SLC6A13: variants seen among roughly 807,000 people sequenced by gnomAD.
SLC6A13 encodes solute carrier family 6 member 13.
In SLC6A13, 69 loss-of-function variants were observed where a neutral mutation model predicts 72.9. That is an observed-to-expected ratio of 0.95 (90% CI 0.78 to 1.16). The LOEUF is 1.16. Among genes scored for constraint, SLC6A13 ranks in the 50% most tolerant of loss-of-function variants. The pLI is 0.00. For synonymous variants in SLC6A13, 303 were observed against 303.0 expected, an observed-to-expected ratio of 1.00 and a Z score of 0.00; for missense variants, 735 against 760.5, an observed-to-expected ratio of 0.97 and a Z score of 0.39.
rs759618411 is a variant in SLC6A13, at chr12:223,192, T to G, written c.1354A>C (p.Ser452Arg). The change falls in exon 12 of 15, where the codon AGT (serine) becomes CGT (arginine). Residue 452 changes from serine to arginine, a missense_variant. Coordinates refer to ENST00000343164, the MANE Select transcript of SLC6A13 (RefSeq NM_016615.5). Reference protein sequence around the residue: ...VFQLFDYYAASGMCLLFVAIF... With the variant: ...VFQLFDYYAARGMCLLFVAIF... ...GCCACGAACAGGAGGCACATGCCAC[T>G]GGCCGCATAGTAGTCAAAGAGCTGG... The G allele has an allele frequency of 3.1e-6, 5 of 1,613,936 alleles. No individual in the cohort carries two copies. Among genetic ancestry groups the G allele is most frequent in the East Asian group, 2.2e-5 (1 of 44,878 alleles).
rs41276698 is a variant in SLC6A13, at chr12:226,329, C to T, written c.1060+61G>A. On this transcript the variant is annotated intron_variant, in intron 9 of 14. Transcript: ENST00000343164. ...GTGACACAATGGAAACGCCTCTAGA[C>T]GCTTGCTGCCAGAGGTTTGAACCAG... 665 of 1,605,572 alleles carry T rather than the reference C, an allele frequency of 4.1e-4. 2 individuals are homozygous for T. Among genetic ancestry groups the T allele is most frequent in the Middle Eastern group, 8.3e-4 (5 of 6,026 alleles).
intron 2 of SLC6A13, among the ~76,000 whole-genome samples, chr12:244,886 G>A (rs902023051): frequency 6.6e-6 from 1 of 152,194 alleles, no homozygotes; most frequent in Admixed American, 6.5e-5. Flanking sequence ...GTGTTCTGTT[G>A]TAGCAACACA....
chr12:247,896 G>A (rs1942408598), intron 2 of SLC6A13, among the ~76,000 whole-genome samples: 1 of 152,064 alleles, frequency 6.6e-6, no homozygotes, highest in South Asian at 2.1e-4. Context: ...AAGATAAAGT[G>A]TGATAAGTTA....
intron 1 of SLC6A13, among the ~76,000 whole-genome samples, chr12:260,738 C>A (rs55829679): frequency 6.6e-6 from 1 of 152,230 alleles, no homozygotes; most frequent in African/African-American, 2.4e-5. Flanking sequence ...AAAAACAGTA[C>A]ATACAATATG....
At chr12:249,659 T>C (rs540392871) in intron 2 of SLC6A13, among the ~76,000 whole-genome samples, 2 of 152,206 alleles carry the variant, frequency 1.3e-5, no homozygotes, top group East Asian at 3.9e-4. Context: ...ACTTCAGTGG[T>C]GAATCCTCCA....
intron 1 of SLC6A13, 186 bp downstream of exon 1, chr12:262,603 G>T: frequency 1.4e-6 from 1 of 722,526 alleles, no homozygotes; most frequent in Non-Finnish European, 1.7e-6. Flanking sequence ...TAAGTCAACA[G>T]CCACCCAAGT....
chr12:255,637 A>C (rs959283272), intron 2 of SLC6A13, among the ~76,000 whole-genome samples: 1 of 152,232 alleles, frequency 6.6e-6, no homozygotes, highest in African/African-American at 2.4e-5. Flanking sequence ...TAGAGGTTGC[A>C]GTGAGCTGAG....
intron 4 of SLC6A13, among the ~76,000 whole-genome samples, chr12:239,636 T>G (rs529551763): frequency 6.6e-6 from 1 of 152,222 alleles, no homozygotes; most frequent in Admixed American, 6.5e-5. Flanking sequence ...TTGTTTTGTT[T>G]ATGTCTACCT....
intron 8 of SLC6A13, chr12:227,364 A>G: frequency 2.0e-6 from 1 of 494,684 alleles, no homozygotes. Flanking sequence ...CAACTATCCC[A>G]CCCTTTCGGA....
intron 3 of SLC6A13, among the ~76,000 whole-genome samples, chr12:242,959 A>T (rs1331770766): frequency 1.3e-5 from 2 of 152,188 alleles, no homozygotes; most frequent in Non-Finnish European, 2.9e-5. Context: ...CTATATATGG[A>T]GAAATAATGA....
At chr12:248,098 G>C (rs1942417018) in intron 2 of SLC6A13, among the ~76,000 whole-genome samples, 1 of 152,054 alleles carries the variant, frequency 6.6e-6, no homozygotes, top group Admixed American at 6.6e-5. Flanking sequence ...ATAATAGGAT[G>C]ATAGAGTTAA....
chr12:238,107 G>T, intron 4 of SLC6A13, 97 bp from the exon 5 acceptor site: 1 of 1,566,120 alleles, frequency 6.4e-7, no homozygotes, highest in Non-Finnish European at 8.7e-7. Context: ...GAATGGGAAG[G>T]AAGGTATTTG....
Position 225,979 on chromosome 12 carries a change from C to T in SLC6A13, c.1060+411G>A, listed in dbSNP as rs113200265. Among the ~76,000 whole-genome samples the T allele has an allele frequency of 2.6e-4, 40 of 152,246 alleles. 1 individual carries two copies. The highest frequency in any genetic ancestry group is 8.4e-4 in the African/African-American group (35 of 41,554). On this transcript the variant is annotated intron_variant, in intron 9 of 14. Coordinates refer to ENST00000343164, the MANE Select transcript of SLC6A13 (RefSeq NM_016615.5). Reference sequence around the variant, plus strand: ...GAGATTCATTTTATAGTGAACAAAACGAGGCCAGGTGCGGAAGAGTGTGTA... The same window carrying T: ...GAGATTCATTTTATAGTGAACAAAATGAGGCCAGGTGCGGAAGAGTGTGTA...
At chr12:244,565 C>T (rs2137300045) in intron 2 of SLC6A13, among the ~76,000 whole-genome samples, 1 of 152,244 alleles carries the variant, frequency 6.6e-6, no homozygotes, top group Non-Finnish European at 1.5e-5. Flanking sequence ...CTGTGTGTGC[C>T]TGTAATCCTA....
intron 14 of SLC6A13, 34 bp downstream of exon 14, chr12:221,342 C>T (rs371931572): frequency 1.6e-4 from 249 of 1,550,220 alleles, no homozygotes; most frequent in Middle Eastern, 2.1e-4. Flanking sequence ...CCTCCCAGCC[C>T]CTCTGGCTGC....
chr12:252,864 C>G (rs924913865), intron 2 of SLC6A13, among the ~76,000 whole-genome samples: 1 of 150,264 alleles, frequency 6.7e-6, no homozygotes, highest in Non-Finnish European at 1.5e-5. Context: ...TCCTCTGCCT[C>G]GTTGAGCTCC....
In SLC6A13 at chr12:224,024, A is replaced by G; in HGVS notation, c.1279T>C (p.Ser427Pro). ...EVLILGVSVVSFLVGLIMLTE... is the reference protein window; with the variant it reads ...EVLILGVSVVPFLVGLIMLTE... Reference sequence around the variant, plus strand: ...AGCATGATCAGCCCCACAAGGAAGGAGACGACAGATACTCCAAGGATGAGG... The same window carrying G: ...AGCATGATCAGCCCCACAAGGAAGGGGACGACAGATACTCCAAGGATGAGG... Residue 427 changes from serine to proline, a missense_variant, in exon 11 of 15, where the codon TCC (serine) becomes CCC (proline). Coordinates refer to ENST00000343164, the MANE Select transcript of SLC6A13 (RefSeq NM_016615.5). 6.2e-7 allele frequency: 1 copy of G among 1,613,282 alleles called. No homozygotes were observed. Among genetic ancestry groups the G allele is most frequent in the Non-Finnish European group, 8.5e-7 (1 of 1,179,824 alleles).
chr12:236,381 GTCTC>G (rs71439333), intron 6 of SLC6A13, among the ~76,000 whole-genome samples: 12,273 of 152,162 alleles, frequency 0.081, 554 homozygotes, highest in Middle Eastern at 0.099. Context: ...TCTTTATACT[GTCTC>G]TCTTTATTTC....
chr12:234,158 GA>G (rs1386460857), intron 7 of SLC6A13, among the ~76,000 whole-genome samples: 1 of 152,226 alleles, frequency 6.6e-6, no homozygotes, highest in East Asian at 1.9e-4. Flanking sequence ...CCAGGAGGCA[GA>G]GGCAGGGCAT....
Sources: allele counts gnomAD v4.1 joint callset (sites outside exome capture counted in the v4.1 genomes callset), GRCh38; gene constraint gnomAD v4.1.1; transcripts MANE v1.5; gene names NCBI Gene and HGNC (gene_info 2026-07-23, HGNC 2026-07-21).